The following XYLT1 variants were observed in gnomAD, a reference collection of about 807,000 sequenced individuals.
The protein encoded by XYLT1 is xylosyltransferase 1, also known as beta-D-xylosyltransferase 1.
A neutral mutation model predicts 91.3 loss-of-function variants in XYLT1; 36 were observed. That is an observed-to-expected ratio of 0.39 (90% CI 0.30 to 0.52). The LOEUF is 0.52. XYLT1 is among the 20% of genes least tolerant of loss of function. The pLI, the probability that XYLT1 is intolerant of heterozygous loss-of-function variation, is 0.68. For missense variants in XYLT1, 1,242 were observed against 1,284.5 expected, an observed-to-expected ratio of 0.97 and a Z score of 0.51; for synonymous variants, 588 against 532.0, an observed-to-expected ratio of 1.11 and a Z score of -1.45.
intron 2 of XYLT1, among the ~76,000 whole-genome samples, chr16:17,270,016 T>C (rs2033863929): frequency 6.6e-6 from 1 of 152,110 alleles, no homozygotes; most frequent in South Asian, 2.1e-4. Context: ...GATTTCACCA[T>C]GTTGGTCAGG....
At chr16:17,450,258 A>G (rs1258678238) in intron 1 of XYLT1, among the ~76,000 whole-genome samples, 1 of 152,160 alleles carries the variant, frequency 6.6e-6, no homozygotes, top group Admixed American at 6.5e-5. Context: ...GAATCGCTTG[A>G]ACCCAGGAGG....
At chr16:17,271,619 A>C (rs1040194324) in intron 2 of XYLT1, among the ~76,000 whole-genome samples, 19 of 152,180 alleles carry the variant, frequency 1.2e-4, no homozygotes, top group Non-Finnish European at 4.4e-5. Context: ...TATCTTGTAC[A>C]TTGCAGGGTA....
intron 3 of XYLT1, among the ~76,000 whole-genome samples, chr16:17,237,278 T>C (rs572053244): frequency 6.6e-5 from 10 of 152,358 alleles, no homozygotes; most frequent in Admixed American, 2.0e-4. Context: ...TCAGTATTTT[T>C]TCCCCATTCT....
intron 1 of XYLT1, among the ~76,000 whole-genome samples, chr16:17,384,567 G>A (rs765294384): frequency 6.6e-6 from 1 of 151,834 alleles, no homozygotes; most frequent in Non-Finnish European, 1.5e-5. Flanking sequence ...GCCTCACTGG[G>A]TTCATACTTT....
At chr16:17,287,161 G>C (rs1427119315) in intron 2 of XYLT1, among the ~76,000 whole-genome samples, 8 of 151,990 alleles carry the variant, frequency 5.3e-5, no homozygotes, top group African/African-American at 1.7e-4. Context: ...GCTAAAAATA[G>C]GCAGAACTGA....
intron 9 of XYLT1, among the ~76,000 whole-genome samples, chr16:17,128,597 C>G (rs1160607451): frequency 1.3e-5 from 2 of 152,214 alleles, no homozygotes; most frequent in South Asian, 4.1e-4. Flanking sequence ...ACAGTCCTTA[C>G]CACTTACACT....
intron 3 of XYLT1, among the ~76,000 whole-genome samples, chr16:17,215,676 A>T (rs1374359433): frequency 6.6e-6 from 1 of 152,168 alleles, no homozygotes; most frequent in Non-Finnish European, 1.5e-5. Context: ...TACAATTGAC[A>T]GGTTGAGTGA....
chr16:17,328,676 C>T (rs1205153752), intron 2 of XYLT1, among the ~76,000 whole-genome samples: 1 of 151,134 alleles, frequency 6.6e-6, no homozygotes, highest in Non-Finnish European at 1.5e-5. Context: ...TCCAGGGTCA[C>T]TGAGTGAAGA....
At chr16:17,118,257 A>C (rs1321338731) in intron 10 of XYLT1, among the ~76,000 whole-genome samples, 1 of 134,878 alleles carries the variant, frequency 7.4e-6, no homozygotes, top group Non-Finnish European at 1.7e-5. Context: ...AGAAAACCAC[A>C]CATGAGCTGA....
At chr16:17,147,998 G>A (rs1255516220) in intron 6 of XYLT1, among the ~76,000 whole-genome samples, 1 of 152,214 alleles carries the variant, frequency 6.6e-6, no homozygotes, top group Non-Finnish European at 1.5e-5. Context: ...GGCAACTGGG[G>A]CAACAGGTGA....
chr16:17,469,719 CAG>C (rs1166553675), intron 1 of XYLT1, among the ~76,000 whole-genome samples: 1 of 152,150 alleles, frequency 6.6e-6, no homozygotes, highest in African/African-American at 2.4e-5. Context: ...CGCAACAAGA[CAG>C]AAAGACAGAG....
chr16:17,128,543 G>A (rs1048098975), intron 9 of XYLT1, among the ~76,000 whole-genome samples: 3 of 152,118 alleles, frequency 2.0e-5, no homozygotes, highest in East Asian at 1.9e-4. Flanking sequence ...GAGGCTCTTC[G>A]TGTCTGCAGC....
chr16:17,337,633 T>C (rs1198758735), intron 2 of XYLT1, among the ~76,000 whole-genome samples: 2 of 152,206 alleles, frequency 1.3e-5, no homozygotes, highest in Admixed American at 1.3e-4. Context: ...CCTAGCCACC[T>C]GCTCCTTAAA....
At chr16:17,319,720 C>T (rs565731113) in intron 2 of XYLT1, among the ~76,000 whole-genome samples, 11 of 152,252 alleles carry the variant, frequency 7.2e-5, no homozygotes, top group Admixed American at 4.6e-4. Context: ...GGATTACAGG[C>T]GTGAGCCCCC....
chr16:17,143,722 C>G (rs569372966), intron 6 of XYLT1, among the ~76,000 whole-genome samples: 1 of 152,254 alleles, frequency 6.6e-6, no homozygotes, highest in East Asian at 1.9e-4. Context: ...TTTCTTCCAC[C>G]ATCATTGCCA....
At chr16:17,131,880 T>TTTA (rs1174039211) in intron 9 of XYLT1, among the ~76,000 whole-genome samples, 1 of 152,180 alleles carries the variant, frequency 6.6e-6, no homozygotes, top group African/African-American at 2.4e-5. Flanking sequence ...TTTGTCCTGA[T>TTTA]TTATTTTCAG....
intron 1 of XYLT1, among the ~76,000 whole-genome samples, chr16:17,407,514 T>C (rs1191943517): frequency 6.6e-6 from 1 of 152,192 alleles, no homozygotes; most frequent in Non-Finnish European, 1.5e-5. Context: ...AGTATGGACA[T>C]GCGTTCCTGG....
chr16:17,171,404 T>G (rs773306581), intron 5 of XYLT1, among the ~76,000 whole-genome samples: 58 of 152,142 alleles, frequency 3.8e-4, no homozygotes, highest in Non-Finnish European at 6.6e-4. Context: ...AAGGTCAAAA[T>G]GCACTGCAAC....
chr16:17,338,622 A>G, intron 2 of XYLT1: 1 of 391,858 alleles, frequency 2.6e-6, no homozygotes, highest in Admixed American at 3.0e-5. Context: ...GCCTGCTCAC[A>G]TTCACCCTTT....
Sources: gnomAD v4.1 joint callset for allele counts (sites outside exome capture counted in the v4.1 genomes callset) on GRCh38, gnomAD v4.1.1 for gene constraint, MANE v1.5 for transcripts, NCBI Gene and HGNC (gene_info 2026-07-23, HGNC 2026-07-21) for gene names.